Variants in PRIM2 observed in about 807,000 individuals in gnomAD.
The protein encoded by PRIM2 is DNA primase subunit 2, also known as DNA primase large subunit.
In PRIM2, 39 loss-of-function variants were observed where a neutral mutation model predicts 67.3. That is an observed-to-expected ratio of 0.58 (90% CI 0.45 to 0.76). The LOEUF (loss-of-function observed/expected upper bound fraction) is 0.76. PRIM2 is among the 30% of genes least tolerant of loss of function. The probability of loss-of-function intolerance (pLI) is 0.00; values close to 1 mark genes in which losing one functional copy is unlikely to be tolerated. For synonymous variants in PRIM2, 143 were observed against 198.7 expected (o/e 0.72, Z 2.36); for missense variants, 398 against 598.7 (o/e 0.66, Z 3.50).
intron 5 of PRIM2, among the ~76,000 whole-genome samples, chr6:57,361,039 G>A (rs1429583487): frequency 3.3e-5 from 5 of 152,142 alleles, no homozygotes; most frequent in African/African-American, 1.2e-4. Flanking sequence ...TTATTACAGT[G>A]TGAATAAAAT....
At chr6:57,308,559 A>C in the PRIM2 span, among the ~76,000 whole-genome samples, 1 of 152,216 alleles carries the variant, frequency 6.6e-6, no homozygotes, top group East Asian at 1.9e-4. Context: ...AGAATCACAT[A>C]GTGGGATAAA....
In PRIM2 at chr6:57,317,639, C is replaced by G. The variant is rs1767520402; in HGVS notation, c.-72C>G. The G allele has an allele frequency of 6.5e-6, 1 of 152,730 alleles. No individual in the cohort carries two copies. Among genetic ancestry groups the G allele is most frequent in the Non-Finnish European group, 1.5e-5 (1 of 68,114 alleles). The allele number at this position is 152,730 out of a possible 1,614,324, so 9.5% of individuals were successfully genotyped here. ...TTCCTCTTCCGGTTTCATATGAACTCTCCCGCCACCCGGGAACAGTGGCTG... is the reference window on the plus strand; with the variant it reads ...TTCCTCTTCCGGTTTCATATGAACTGTCCCGCCACCCGGGAACAGTGGCTG... On this transcript the variant is annotated 5_prime_UTR_variant, in exon 1 of 14. Coordinates refer to ENST00000615550, the MANE Select transcript of PRIM2 (RefSeq NM_000947.5).
chr6:57,392,893 G>A (rs981890185), intron 7 of PRIM2, among the ~76,000 whole-genome samples: 3 of 148,898 alleles, frequency 2.0e-5, no homozygotes, highest in African/African-American at 7.8e-5. Context: ...AACTTACGAC[G>A]TTTGGTTTTC....
In PRIM2 at chr6:57,608,856, G is replaced by A. The variant is rs1776614377; in HGVS notation, c.1230+2399G>A. On this transcript the variant is annotated intron_variant, in intron 12 of 13. Transcript: ENST00000615550. ...AGAAGAAAGAACTGTCAGAGAGGGT[G>A]GGCTTGATGAAGATATAAAAGAAAG... Among the ~76,000 whole-genome samples, 4 of 152,240 alleles carry A rather than the reference G, an allele frequency of 2.6e-5. No individual in the cohort carries two copies. The South Asian group carries it at 8.3e-4, about 32-fold the overall frequency.
chr6:57,633,914 G>C (rs1446496453), intron 13 of PRIM2, among the ~76,000 whole-genome samples: 7 of 152,148 alleles, frequency 4.6e-5, no homozygotes, highest in Non-Finnish European at 1.0e-4. Flanking sequence ...ACGGGCCGTG[G>C]ACTGGGTTGG....
chr6:57,627,535 C>T (rs1344188024), intron 12 of PRIM2, among the ~76,000 whole-genome samples: 36 of 151,240 alleles, frequency 2.4e-4, no homozygotes, highest in Middle Eastern at 3.2e-3. Context: ...ATTACAGACA[C>T]GCACCACCAC....
At chr6:57,287,635 C>G in the PRIM2 span, among the ~76,000 whole-genome samples, 3 of 152,026 alleles carry the variant, frequency 2.0e-5, no homozygotes, top group Non-Finnish European at 4.4e-5. Context: ...GGAGGGAGAG[C>G]ATTAAGACAA....
intron 7 of PRIM2, among the ~76,000 whole-genome samples, chr6:57,496,418 T>C (rs1327296437): frequency 6.6e-6 from 1 of 152,192 alleles, no homozygotes; most frequent in Non-Finnish European, 1.5e-5. Flanking sequence ...ACATGCACTA[T>C]GAAACCCACT....
At chr6:57,585,294 T>C (rs1452602532) in intron 10 of PRIM2, among the ~76,000 whole-genome samples, 3 of 151,468 alleles carry the variant, frequency 2.0e-5, no homozygotes, top group Admixed American at 1.3e-4. Context: ...CTCTAAAGTA[T>C]TGAGTGCTTA....
At chr6:57,496,202 T>C (rs1774000529) in intron 7 of PRIM2, among the ~76,000 whole-genome samples, 1 of 151,988 alleles carries the variant, frequency 6.6e-6, no homozygotes, top group African/African-American at 2.4e-5. Context: ...ATCTTTGACA[T>C]TGATTTTAGA....
chr6:57,412,530 C>G (rs1359901944), intron 7 of PRIM2, among the ~76,000 whole-genome samples: 2 of 151,788 alleles, frequency 1.3e-5, no homozygotes, highest in African/African-American at 2.4e-5. Flanking sequence ...CGGCTTTTAT[C>G]TATACTACTT....
chr6:57,624,671 A>G (rs1776915956), intron 12 of PRIM2, among the ~76,000 whole-genome samples: 2 of 152,174 alleles, frequency 1.3e-5, no homozygotes, highest in Admixed American at 1.3e-4. Context: ...ACATCAACAG[A>G]TAATAATTGA....
intron 7 of PRIM2, among the ~76,000 whole-genome samples, chr6:57,426,166 T>A (rs566076869): frequency 1.3e-5 from 2 of 152,184 alleles, no homozygotes; most frequent in African/African-American, 2.4e-5. Context: ...ACACTCATCA[T>A]ATAAGTATTA....
At chr6:57,342,717 C>G (rs1240957774) in intron 5 of PRIM2, among the ~76,000 whole-genome samples, 1 of 152,150 alleles carries the variant, frequency 6.6e-6, no homozygotes, top group African/African-American at 2.4e-5. Context: ...AATGATGACT[C>G]TACCTCATAT....
At chr6:57,470,045 C>A (rs1209342649) in intron 7 of PRIM2, among the ~76,000 whole-genome samples, 2 of 152,074 alleles carry the variant, frequency 1.3e-5, no homozygotes, top group African/African-American at 4.8e-5. Flanking sequence ...TTAAAGCAGT[C>A]TTTCCATTTT....
At chr6:57,508,608 T>G (rs1774297021) in intron 8 of PRIM2, among the ~76,000 whole-genome samples, 1 of 152,222 alleles carries the variant, frequency 6.6e-6, no homozygotes, top group African/African-American at 2.4e-5. Flanking sequence ...TATTTCTTTT[T>G]CAAAATCTTA....
chr6:57,246,064 C>T, the PRIM2 span, among the ~76,000 whole-genome samples: 10,063 of 152,260 alleles, frequency 0.066, 477 homozygotes, highest in East Asian at 0.17. Flanking sequence ...ATCTACAAAT[C>T]ATATATCTCA....
chr6:57,498,767 A>G (rs2127456691), intron 7 of PRIM2, among the ~76,000 whole-genome samples: 1 of 152,284 alleles, frequency 6.6e-6, no homozygotes, highest in African/African-American at 2.4e-5. Context: ...GGGATTCATT[A>G]TTTTAAAATG....
At chr6:57,601,951 T>A (rs1238408086) in intron 11 of PRIM2, among the ~76,000 whole-genome samples, 7 of 152,198 alleles carry the variant, frequency 4.6e-5, no homozygotes, top group Non-Finnish European at 8.8e-5. Context: ...ACATTCTATG[T>A]GACCAAATCA....
Sources: allele counts gnomAD v4.1 joint callset (sites outside exome capture counted in the v4.1 genomes callset), GRCh38; gene constraint gnomAD v4.1.1; transcripts MANE v1.5; gene names NCBI Gene and HGNC (gene_info 2026-07-23, HGNC 2026-07-21).